Variants in VWC2L observed in about 807,000 individuals in gnomAD.
VWC2L encodes von Willebrand factor C domain containing 2 like.
A neutral mutation model predicts 21.6 loss-of-function variants in VWC2L; 10 were observed. The ratio of observed to expected loss-of-function variants is 0.46; its 90% CI spans 0.29 to 0.78. The LOEUF (loss-of-function observed/expected upper bound fraction) is 0.78, where lower values mean the gene tolerates loss of function less well. VWC2L is among the 30% of genes least tolerant of loss of function. The pLI is 0.10. For synonymous variants in VWC2L, 96 were observed against 94.3 expected, an observed-to-expected ratio of 1.02 and a Z score of -0.10; for missense variants, 209 against 277.1, an observed-to-expected ratio of 0.75 and a Z score of 1.74.
chr2:214,490,616 C>T (rs4673839), intron 3 of VWC2L, among the ~76,000 whole-genome samples: 25,704 of 151,924 alleles, frequency 0.17, 2,289 homozygotes, highest in East Asian at 0.26. Flanking sequence ...AAGCCTTGGA[C>T]CAAAAAGAGA....
intron 3 of VWC2L, among the ~76,000 whole-genome samples, chr2:214,569,358 C>T (rs1690115402): frequency 6.6e-6 from 1 of 152,110 alleles, no homozygotes. Flanking sequence ...CACACCCCTA[C>T]ATAAAATCCT....
At chr2:214,441,625 C>G (rs909539744) in intron 3 of VWC2L, among the ~76,000 whole-genome samples, 8 of 151,896 alleles carry the variant, frequency 5.3e-5, no homozygotes, top group African/African-American at 1.9e-4. Context: ...ACCTTTTGTA[C>G]TTTTTCCCAC....
At chr2:214,446,820 C>G (rs970372928) in intron 3 of VWC2L, among the ~76,000 whole-genome samples, 2 of 152,138 alleles carry the variant, frequency 1.3e-5, no homozygotes, top group Admixed American at 1.3e-4. Flanking sequence ...CCCCATTCTG[C>G]AGGACGCTTG....
At chr2:214,530,155 T>C (rs996875516) in intron 3 of VWC2L, among the ~76,000 whole-genome samples, 6 of 152,194 alleles carry the variant, frequency 3.9e-5, no homozygotes, top group African/African-American at 1.4e-4. Context: ...AAGTACTTTT[T>C]AAAATGAGTT....
intron 3 of VWC2L, among the ~76,000 whole-genome samples, chr2:214,448,789 C>T (rs964183357): frequency 6.6e-6 from 1 of 152,148 alleles, no homozygotes. Context: ...TAAACAAGAG[C>T]TAGTGTTACT....
rs181234035 is a variant in VWC2L at position 214,517,505 on chromosome 2, G to T, written c.521-58167G>T. Among the ~76,000 whole-genome samples, 4 of 152,240 alleles carry T rather than the reference G, an allele frequency of 2.6e-5. No homozygotes were observed. In the East Asian group the frequency reaches 7.7e-4, roughly 29 times the overall value. On this transcript the variant is annotated intron_variant, in intron 3 of 3. Transcript: ENST00000312504. ...TAACATCTCTAGGCATGAGATCCAG[G>T]TGTCAGTATTTCTTCTTTAGGTTCC...
intron 2 of VWC2L, among the ~76,000 whole-genome samples, chr2:214,416,431 C>G (rs778246797): frequency 6.6e-6 from 1 of 151,862 alleles, no homozygotes; most frequent in Non-Finnish European, 1.5e-5. Flanking sequence ...TTTCACCTGG[C>G]TTTTTGTGTC....
At chr2:214,522,441 C>A (rs941482393) in intron 3 of VWC2L, among the ~76,000 whole-genome samples, 6 of 144,996 alleles carry the variant, frequency 4.1e-5, no homozygotes, top group African/African-American at 1.5e-4. Flanking sequence ...ACTTCTATTT[C>A]TTTATATTCA....
chr2:214,478,639 G>C (rs553324042), intron 3 of VWC2L, among the ~76,000 whole-genome samples: 3 of 152,126 alleles, frequency 2.0e-5, no homozygotes, highest in African/African-American at 7.2e-5. Flanking sequence ...GCTTCCATGC[G>C]TGTCCTCACC....
In VWC2L at chr2:214,448,595, T is replaced by C. The variant is rs1250772078; in HGVS notation, c.520+11837T>C. Among the ~76,000 whole-genome samples the C allele has an allele frequency of 2.0e-5, 3 of 152,312 alleles. No individual in the cohort carries two copies. The East Asian group carries it at 5.8e-4, about 29-fold the overall frequency. ...AAGTCTAGCTTGAACTTTTACTGTTTCATAATCTCACCATGGATACCTAAA... is the reference window on the plus strand; with the variant it reads ...AAGTCTAGCTTGAACTTTTACTGTTCCATAATCTCACCATGGATACCTAAA... On this transcript the variant is annotated intron_variant, in intron 3 of 3. Transcript: ENST00000312504.
intron 3 of VWC2L, among the ~76,000 whole-genome samples, chr2:214,459,902 CTTT>C (rs57351904): frequency 3.6e-4 from 31 of 85,156 alleles, no homozygotes; most frequent in African/African-American, 1.3e-3. Flanking sequence ...TTTCCTTTGA[CTTT>C]TTTTTTTTTT....
At chr2:214,549,921 C>T (rs1689767556) in intron 3 of VWC2L, among the ~76,000 whole-genome samples, 1 of 152,052 alleles carries the variant, frequency 6.6e-6, no homozygotes, top group South Asian at 2.1e-4. Flanking sequence ...CTTTCATTGC[C>T]TTATCTAGGT....
At chr2:214,469,250 A>C (rs1703268680) in intron 3 of VWC2L, among the ~76,000 whole-genome samples, 1 of 152,198 alleles carries the variant, frequency 6.6e-6, no homozygotes, top group Non-Finnish European at 1.5e-5. Flanking sequence ...ATTAATGACG[A>C]TCTTATATAA....
intron 3 of VWC2L, among the ~76,000 whole-genome samples, chr2:214,520,778 T>C (rs1258996157): frequency 3.9e-5 from 6 of 152,166 alleles, no homozygotes; most frequent in Non-Finnish European, 7.3e-5. Flanking sequence ...ATATGCGATA[T>C]GATCTCAACA....
chr2:214,555,741 T>G (rs1206673942), intron 3 of VWC2L, among the ~76,000 whole-genome samples: 4 of 152,190 alleles, frequency 2.6e-5, no homozygotes, highest in Non-Finnish European at 4.4e-5. Context: ...AAACTAAGAT[T>G]TCTAAACTCC....
chr2:214,544,064 A>G (rs1210401933), intron 3 of VWC2L, among the ~76,000 whole-genome samples: 1 of 152,198 alleles, frequency 6.6e-6, no homozygotes, highest in Non-Finnish European at 1.5e-5. Context: ...ATCTCTGCCT[A>G]AAAGTGAGAA....
intron 3 of VWC2L, among the ~76,000 whole-genome samples, chr2:214,482,069 T>A (rs1378086982): frequency 2.0e-5 from 3 of 152,142 alleles, no homozygotes; most frequent in Admixed American, 6.5e-5. Context: ...GGGATACTGA[T>A]GATTGAAACA....
chr2:214,533,796 C>G (rs994276158), intron 3 of VWC2L, among the ~76,000 whole-genome samples: 2 of 152,118 alleles, frequency 1.3e-5, no homozygotes, highest in African/African-American at 4.8e-5. Context: ...CTTGAATTAT[C>G]TGTATACAGC....
intron 3 of VWC2L, among the ~76,000 whole-genome samples, chr2:214,484,804 A>T (rs1688653761): frequency 6.6e-6 from 1 of 152,154 alleles, no homozygotes; most frequent in Non-Finnish European, 1.5e-5. Flanking sequence ...CCTTAATTTA[A>T]TTTGGCCTTT....
Sources: gnomAD v4.1 joint callset for allele counts (sites outside exome capture counted in the v4.1 genomes callset) on GRCh38, gnomAD v4.1.1 for gene constraint, MANE v1.5 for transcripts, NCBI Gene and HGNC (gene_info 2026-07-23, HGNC 2026-07-21) for gene names.